GLYATL2: variants seen among roughly 807,000 people sequenced by gnomAD.
The protein encoded by GLYATL2 is glycine N-acyltransferase-like protein 2.
Under a neutral mutation model 21.4 loss-of-function variants are expected in GLYATL2, and 25 were observed. The ratio of observed to expected loss-of-function variants is 1.17; its 90% CI spans 0.85 to 1.63. The LOEUF is 1.63. Among genes scored for constraint, GLYATL2 ranks in the 40% most tolerant of loss-of-function variants. The pLI, the probability that GLYATL2 is intolerant of heterozygous loss-of-function variation, is 0.00. For missense variants in GLYATL2, 361 were observed against 343.3 expected (o/e 1.05, Z -0.41); for synonymous variants, 114 against 118.2 (o/e 0.96, Z 0.23).
chr11:58,896,487 G>A (rs527978483), intron 1 of GLYATL2, among the ~76,000 whole-genome samples: 1 of 152,294 alleles, frequency 6.6e-6, no homozygotes, highest in Non-Finnish European at 1.5e-5. Flanking sequence ...TCCATAGTGT[G>A]AGACAACAAA....
At chr11:58,853,250 C>T (rs1461539070) in intron 1 of GLYATL2, among the ~76,000 whole-genome samples, 1 of 152,222 alleles carries the variant, frequency 6.6e-6, no homozygotes, top group African/African-American at 2.4e-5. Context: ...CCTTGAACAA[C>T]ATAGGTGTGA....
At chr11:58,859,487 C>A (rs1223501411) in intron 1 of GLYATL2, among the ~76,000 whole-genome samples, 4 of 152,026 alleles carry the variant, frequency 2.6e-5, no homozygotes, top group African/African-American at 9.7e-5. Flanking sequence ...TGTTTTCTTG[C>A]TATTATGTTT....
At chr11:58,836,535 A>G (rs1016966770) in intron 5 of GLYATL2, among the ~76,000 whole-genome samples, 4 of 152,066 alleles carry the variant, frequency 2.6e-5, no homozygotes, top group African/African-American at 4.8e-5. Context: ...TGATCTATTT[A>G]TGATGATATT....
In GLYATL2 at chr11:58,851,811, A is replaced by G. The variant is rs145723526; in HGVS notation, n.61-13443T>C. Among the ~76,000 whole-genome samples the G allele has an allele frequency of 1.7e-3, 265 of 152,306 alleles. 1 individual carries two copies. Among genetic ancestry groups the G allele is most frequent in the African/African-American group, 6.0e-3 (250 of 41,566 alleles). ...CAGGGGAGATGGCAAGCCACTGGAA[A>G]GTTAGGACTGGAAAAACATGGTTGG... On this transcript the variant is annotated intron_variant and non_coding_transcript_variant, in intron 1 of 4. Coordinates refer to the GLYATL2 transcript ENST00000533636.
intron 1 of GLYATL2, among the ~76,000 whole-genome samples, chr11:58,878,698 G>T (rs1006340168): frequency 5.9e-5 from 9 of 152,102 alleles, no homozygotes; most frequent in South Asian, 2.1e-4. Context: ...AAAATCACTG[G>T]CTAGGAGAAC....
intron 1 of GLYATL2, among the ~76,000 whole-genome samples, chr11:58,855,145 A>T (rs1036489724): frequency 1.3e-5 from 2 of 152,334 alleles, no homozygotes. Context: ...TGGAATGGAA[A>T]ATCCTTCCAA....
intron 1 of GLYATL2, among the ~76,000 whole-genome samples, chr11:58,856,897 A>C (rs1042789572): frequency 6.6e-6 from 1 of 152,240 alleles, no homozygotes; most frequent in African/African-American, 2.4e-5. Context: ...TGTTGGAAAA[A>C]TGGTGCCAGT....
chr11:58,871,078 A>G (rs1461881109), intron 1 of GLYATL2, among the ~76,000 whole-genome samples: 4 of 152,188 alleles, frequency 2.6e-5, no homozygotes, highest in South Asian at 2.1e-4. Context: ...GAGAAAGACT[A>G]CAGGTGAAGC....
chr11:58,863,057 G>A (rs1252273850), intron 1 of GLYATL2, among the ~76,000 whole-genome samples: 1 of 152,188 alleles, frequency 6.6e-6, no homozygotes, highest in Admixed American at 6.5e-5. Flanking sequence ...TGGTGCCTGT[G>A]TCAGCTGGTG....
At chr11:58,856,670 G>A (rs1853833251) in intron 1 of GLYATL2, among the ~76,000 whole-genome samples, 1 of 152,108 alleles carries the variant, frequency 6.6e-6, no homozygotes, top group African/African-American at 2.4e-5. Flanking sequence ...AGAGAGTCTG[G>A]GAACGGTCAT....
At chr11:58,848,624 T>G (rs558511893), upstream of GLYATL2, among the ~76,000 whole-genome samples, 7 of 152,166 alleles carry the variant, frequency 4.6e-5, no homozygotes, top group South Asian at 1.5e-3. Context: ...TTAGTGAGCT[T>G]GAAGACAGGC....
chr11:58,873,018 T>A (rs1854154473), intron 1 of GLYATL2, among the ~76,000 whole-genome samples: 2 of 152,116 alleles, frequency 1.3e-5, no homozygotes, highest in Non-Finnish European at 2.9e-5. Context: ...GTAAGTTGGA[T>A]TCCTAGGTAT....
intron 1 of GLYATL2, among the ~76,000 whole-genome samples, chr11:58,842,314 C>A (rs193278894): frequency 1.3e-5 from 2 of 152,138 alleles, no homozygotes; most frequent in Non-Finnish European, 2.9e-5. Flanking sequence ...ACGTATACAG[C>A]AGGTCATCAA....
intron 1 of GLYATL2, among the ~76,000 whole-genome samples, chr11:58,839,859 A>T (rs1293816752): frequency 6.8e-6 from 1 of 146,228 alleles, no homozygotes; most frequent in Admixed American, 7.0e-5. Context: ...TAATCTCCAT[A>T]CAATTCCACT....
chr11:58,894,596 C>T lies in GLYATL2; in HGVS notation n.60+9560G>A, dbSNP rs149703042. Among the ~76,000 whole-genome samples the T allele has an allele frequency of 2.1e-4, 32 of 152,082 alleles. No homozygotes were observed. In the East Asian group the frequency reaches 6.0e-3, roughly 29 times the overall value. On this transcript the variant is annotated intron_variant and non_coding_transcript_variant, in intron 1 of 4. Transcript: ENST00000533636. ...CTACCAGTATTAACCAACACCTATC[C>T]TCATCTCTCCATAAAAAGTAAGCCT...
chr11:58,839,473 C>A, intron 2 of GLYATL2, 62 bp downstream of exon 2: 10 of 1,003,080 alleles, frequency 1.0e-5, no homozygotes. Flanking sequence ...GTTATGAATC[C>A]TGAATCTGTC....
upstream of GLYATL2, among the ~76,000 whole-genome samples, chr11:58,845,989 T>G (rs1460501055): frequency 1.3e-5 from 2 of 149,688 alleles, no homozygotes; most frequent in Non-Finnish European, 3.0e-5. Context: ...GAACCAAAAG[T>G]GGTTCACATA....
intron 1 of GLYATL2, among the ~76,000 whole-genome samples, chr11:58,844,198 T>C (rs1295193035): frequency 6.6e-6 from 1 of 152,120 alleles, no homozygotes; most frequent in African/African-American, 2.4e-5. Context: ...AGGAAAGCAT[T>C]TGGACATTTT....
chr11:58,877,536 G>A (rs1854259059), intron 1 of GLYATL2, among the ~76,000 whole-genome samples: 1 of 152,170 alleles, frequency 6.6e-6, no homozygotes, highest in Non-Finnish European at 1.5e-5. Context: ...TAAGAAATTG[G>A]GGAGAAAAGA....
Sources: allele counts gnomAD v4.1 joint callset (sites outside exome capture counted in the v4.1 genomes callset), GRCh38; gene constraint gnomAD v4.1.1; transcripts MANE v1.5; gene names NCBI Gene and HGNC (gene_info 2026-07-23, HGNC 2026-07-21).